The following KLHDC2 variants were observed in gnomAD, a reference collection of about 807,000 sequenced individuals.
KLHDC2 encodes the protein kelch domain containing 2.
KLHDC2 carries 38 observed loss-of-function variants against 62.3 expected under a neutral mutation model. That is an observed-to-expected ratio of 0.61 (90% CI 0.47 to 0.80). The LOEUF (loss-of-function observed/expected upper bound fraction) is 0.80. Ranked by LOEUF, KLHDC2 falls within the 30% of genes least tolerant of loss-of-function variation. KLHDC2 has a pLI of 0.00. For missense variants in KLHDC2, 430 were observed against 495.3 expected (o/e 0.87, Z 1.25); for synonymous variants, 159 against 161.0 (o/e 0.99, Z 0.09).
intron 10 of KLHDC2, among the ~76,000 whole-genome samples, chr14:49,781,827 T>C (rs1889917670): frequency 6.6e-6 from 1 of 152,230 alleles, no homozygotes; most frequent in Non-Finnish European, 1.5e-5. Context: ...TTTTCTCTTG[T>C]TAATCTCAGA....
In KLHDC2 at chr14:49,785,159, T is replaced by C; in HGVS notation, c.*2206T>C. 1 of 1,601,340 alleles carries C rather than the reference T, an allele frequency of 6.2e-7. No individual in the cohort carries two copies. The highest frequency in any genetic ancestry group is 8.6e-7 in the Non-Finnish European group (1 of 1,168,464). ...ATCTTTAAAAAGGAATTACATGTGT[T>C]ACTAAATAGACGTTACAAAACAATT... On this transcript the variant is annotated 3_prime_UTR_variant, in exon 13 of 13. Transcript: ENST00000298307.
chr14:49,768,686 A>G, intron 1 of KLHDC2, 65 bp downstream of exon 1: 1 of 1,437,138 alleles, frequency 7.0e-7, no homozygotes, highest in Non-Finnish European at 9.2e-7. Flanking sequence ...GTTCGCGGCC[A>G]GGCGGGGAGG....
At chr14:49,779,477 C>T (rs1566636763) in intron 6 of KLHDC2, 118 bp from the exon 7 acceptor site, 3 of 669,782 alleles carry the variant, frequency 4.5e-6, no homozygotes, top group Non-Finnish European at 7.6e-6. Flanking sequence ...TAGAAGTCTA[C>T]ACTCCCAACT....
chr14:49,780,411 G>A (rs1443908388), intron 9 of KLHDC2, 89 bp downstream of exon 9: 6 of 887,832 alleles, frequency 6.8e-6, no homozygotes, highest in African/African-American at 1.7e-5. Flanking sequence ...CTGATGAGAC[G>A]GCTTATAGGG....
chr14:49,779,580 A>C lies in KLHDC2; in HGVS notation c.634-15A>C, dbSNP rs1278582342. ...TTATAAAAAGTTCACTAACTTGCTTATGTGCCTCTAATAGGGTAAAGCACC... is the reference window on the plus strand; with the variant it reads ...TTATAAAAAGTTCACTAACTTGCTTCTGTGCCTCTAATAGGGTAAAGCACC... On this transcript the variant is annotated splice_polypyrimidine_tract_variant and intron_variant, in intron 6 of 12. Transcript: ENST00000298307. The C allele has an allele frequency of 6.2e-7, 1 of 1,607,140 alleles. No homozygotes were observed. The highest frequency in any genetic ancestry group is 8.5e-7 in the Non-Finnish European group (1 of 1,174,564).
In KLHDC2 at chr14:49,768,250, C is replaced by T. The variant is rs987686347; in HGVS notation, c.-219C>T. On this transcript the variant is annotated 5_prime_UTR_variant, in exon 1 of 13. Transcript: ENST00000298307. ...CGCCGCCGCCCGGCTCCGCTCGCGG[C>T]CCCTCTGTCTGCAGGCGTGCCCCGG... The T allele has an allele frequency of 5.4e-5, 23 of 422,050 alleles. No homozygotes were observed. In the Middle Eastern group the frequency reaches 3.1e-3, roughly 57 times the overall value. 26.1% of individuals were successfully genotyped at this position (422,050 alleles called of 1,614,324 possible). A position where few individuals can be genotyped will look rare whatever the true frequency, so the allele number is the denominator to read the frequency against.
chr14:49,774,474 G>A, intron 2 of KLHDC2, 87 bp from the exon 3 acceptor site: 11 of 831,602 alleles, frequency 1.3e-5, no homozygotes, highest in South Asian at 6.9e-5. Context: ...TTCCTTTATT[G>A]TGAGGATATA....
intron 6 of KLHDC2, 82 bp from the exon 7 acceptor site, chr14:49,779,513 T>C: frequency 9.6e-7 from 1 of 1,036,308 alleles, no homozygotes; most frequent in South Asian, 1.5e-5. Flanking sequence ...GCCTTACATA[T>C]TCTTATCCCA....
intron 2 of KLHDC2, among the ~76,000 whole-genome samples, chr14:49,774,280 T>G (rs1010178973): frequency 1.5e-4 from 23 of 152,168 alleles, no homozygotes; most frequent in African/African-American, 5.5e-4. Context: ...CTGAGAAACA[T>G]AAAATGGTAT....
Position 49,782,924 on chromosome 14 carries a change from T to C in KLHDC2, c.1192T>C (p.Phe398Leu). ...CTTACTTCACAGTGTTAATCAGAGGTTTGGTAGTAACAACACTTCTGGATC... is the reference window on the plus strand; with the variant it reads ...CTTACTTCACAGTGTTAATCAGAGGCTTGGTAGTAACAACACTTCTGGATC... Reference protein sequence around the residue: ...KHLLHSVNQRFGSNNTSGS With the variant: ...KHLLHSVNQRLGSNNTSGS The change falls in exon 13 of 13, where the codon TTT becomes CTT. Residue 398 changes from phenylalanine (F) to leucine (L), a missense_variant. Phe to Leu is a conservative substitution (Grantham distance 22, BLOSUM62 0). Coordinates refer to ENST00000298307, the MANE Select transcript of KLHDC2 (RefSeq NM_014315.3). 6.2e-7 allele frequency: 1 copy of C among 1,613,600 alleles called. No individual in the cohort carries two copies. Among genetic ancestry groups the C allele is most frequent in the Non-Finnish European group, 8.5e-7 (1 of 1,179,778 alleles).
chr14:49,771,510 T>C, intron 1 of KLHDC2, 84 bp from the exon 2 acceptor site: 1 of 667,196 alleles, frequency 1.5e-6, no homozygotes, highest in Non-Finnish European at 2.7e-6. Flanking sequence ...ATTATGAAAT[T>C]AGTATCTCAA....
At chr14:49,780,014 T>C in intron 8 of KLHDC2, 199 bp from the exon 9 acceptor site, 1 of 616,586 alleles carries the variant, frequency 1.6e-6, no homozygotes, top group Non-Finnish European at 2.8e-6. Flanking sequence ...GCTCAGTGTT[T>C]GTTGAAAGGA....
Position 49,784,646 on chromosome 14 carries a change from T to C in KLHDC2, c.*1693T>C. 1 of 1,608,870 alleles carries C rather than the reference T, an allele frequency of 6.2e-7. No individual in the cohort carries two copies. Among genetic ancestry groups the C allele is most frequent in the Non-Finnish European group, 8.5e-7 (1 of 1,177,138 alleles). On this transcript the variant is annotated 3_prime_UTR_variant, in exon 13 of 13. Coordinates refer to ENST00000298307, the MANE Select transcript of KLHDC2 (RefSeq NM_014315.3). ...AGAATTTCATTTCAGCTATTTCCTT[T>C]TTACGTTCAGAAGATTGGGTGCAGA...
intron 2 of KLHDC2, among the ~76,000 whole-genome samples, chr14:49,773,060 G>A (rs764282657): frequency 6.6e-6 from 1 of 152,100 alleles, no homozygotes; most frequent in Non-Finnish European, 1.5e-5. Context: ...TCTTTTTCTA[G>A]AGAATTGGAA....
intron 2 of KLHDC2, among the ~76,000 whole-genome samples, chr14:49,772,469 GA>G (rs1889683657): frequency 6.6e-6 from 1 of 152,162 alleles, no homozygotes; most frequent in Admixed American, 6.5e-5. Flanking sequence ...GAGATAATCT[GA>G]AATGATCTTT....
At chr14:49,768,871 C>T (rs1752641852) in intron 1 of KLHDC2, 4 of 469,508 alleles carry the variant, frequency 8.5e-6, no homozygotes, top group Non-Finnish European at 1.5e-5. Flanking sequence ...AGCCAACTCA[C>T]TCCCACCCCC....
At chr14:49,776,810 T>C (rs1240523391) in intron 3 of KLHDC2, among the ~76,000 whole-genome samples, 1 of 135,116 alleles carries the variant, frequency 7.4e-6, no homozygotes, top group Admixed American at 8.1e-5. Context: ...TCCTAGCTAG[T>C]CGGGTGGCTG....
At chr14:49,780,601 G>C (rs541920131) in intron 9 of KLHDC2, 102 bp from the exon 10 acceptor site, 15 of 849,032 alleles carry the variant, frequency 1.8e-5, no homozygotes, top group South Asian at 1.8e-4. Flanking sequence ...TATACTCTCT[G>C]TATCTGCTCA....
intron 2 of KLHDC2, among the ~76,000 whole-genome samples, chr14:49,772,352 T>C (rs7159542): frequency 0.97 from 147,345 of 152,322 alleles, 71,470 homozygotes; most frequent in East Asian, 1. Context: ...ATAAAGGTGG[T>C]ATTCTATTTT....
Sources: gnomAD v4.1 joint callset for allele counts (sites outside exome capture counted in the v4.1 genomes callset) on GRCh38, gnomAD v4.1.1 for gene constraint, MANE v1.5 for transcripts, NCBI Gene and HGNC (gene_info 2026-07-23, HGNC 2026-07-21) for gene names.